Variants in CUX1 observed in about 807,000 individuals in gnomAD.
CUX1 encodes protein CASP.
Under a neutral mutation model 158.8 loss-of-function variants are expected in CUX1, and 31 were observed. The ratio of observed to expected loss-of-function variants is 0.20; its 90% confidence interval spans 0.15 to 0.26. CUX1 has a LOEUF of 0.26. Ranked by LOEUF, CUX1 falls within the 10% of genes least tolerant of loss-of-function variation. The pLI is 1.00. For missense variants in CUX1, 1,589 were observed against 2,014.6 expected, an observed-to-expected ratio of 0.79 and a Z score of 4.04; for synonymous variants, 879 against 862.1, an observed-to-expected ratio of 1.02 and a Z score of -0.34.
At chr7:102,229,498 G>C (rs1349784418) in intron 21 of CUX1, among the ~76,000 whole-genome samples, 1 of 151,282 alleles carries the variant, frequency 6.6e-6, no homozygotes, top group Non-Finnish European at 1.5e-5. Context: ...TTTTAGTAGA[G>C]ACAGGGTTTC....
chr7:102,171,723 C>T (rs1554510489), intron 10 of CUX1, among the ~76,000 whole-genome samples: 2 of 152,130 alleles, frequency 1.3e-5, no homozygotes, highest in African/African-American at 2.4e-5. Context: ...GCTGGGATTA[C>T]AGGCATGAGC....
intron 9 of CUX1, among the ~76,000 whole-genome samples, chr7:102,164,534 G>C (rs1790800518): frequency 6.6e-6 from 1 of 152,156 alleles, no homozygotes; most frequent in African/African-American, 2.4e-5. Flanking sequence ...CCCTAGTGGA[G>C]GACTCTCCAG....
chr7:102,070,785 T>C (rs911540300), intron 4 of CUX1, among the ~76,000 whole-genome samples: 2 of 152,114 alleles, frequency 1.3e-5, no homozygotes, highest in East Asian at 1.9e-4. Context: ...TTTAAGACTT[T>C]AGGAATGGCC....
chr7:101,948,427 A>G (rs1338080353), intron 2 of CUX1, among the ~76,000 whole-genome samples: 1 of 151,746 alleles, frequency 6.6e-6, no homozygotes, highest in African/African-American at 2.4e-5. Context: ...TCATAGGGGA[A>G]CGTGGTGCCT....
At chr7:101,876,866 G>A (rs1380866296) in intron 1 of CUX1, among the ~76,000 whole-genome samples, 2 of 151,598 alleles carry the variant, frequency 1.3e-5, no homozygotes, top group African/African-American at 2.4e-5. Context: ...TGCCTGCCTC[G>A]GCCTCCCAAA....
intron 1 of CUX1, among the ~76,000 whole-genome samples, chr7:101,841,518 A>AT (rs1795199002): frequency 6.7e-6 from 1 of 150,330 alleles, no homozygotes. Flanking sequence ...TTTCTAACTT[A>AT]TTTTTTTGAA....
intron 2 of CUX1, among the ~76,000 whole-genome samples, chr7:101,982,300 T>G (rs1813542504): frequency 6.6e-6 from 1 of 152,170 alleles, no homozygotes; most frequent in African/African-American, 2.4e-5. Flanking sequence ...TATGAGCTGG[T>G]AGGGAAGGCC....
chr7:101,829,153 A>T (rs1793711327), intron 1 of CUX1, among the ~76,000 whole-genome samples: 1 of 151,962 alleles, frequency 6.6e-6, no homozygotes, highest in Non-Finnish European at 1.5e-5. Context: ...GGGGTGAAGA[A>T]TTAACTTGAA....
At position 102,234,119 on chromosome 7, in the gene CUX1, C is replaced by T. The variant is rs782092657; in HGVS notation, c.3501C>T (p.Arg1167=). 6.2e-7 allele frequency: 1 copy of T among 1,601,056 alleles called. No individual in the cohort carries two copies. Among genetic ancestry groups the T allele is most frequent in the African/African-American group, 1.3e-5 (1 of 74,110 alleles). ...TQGSVSDLLA[R]PKPWHKLSLK... ...GCTCTGTCTCTGACCTCCTTGCCCG[C>T]CCCAAACCCTGGCATAAGCTCAGTC... is the stretch of plus-strand genomic sequence containing the variant. The change falls in exon 22 of 24, where the codon CGC becomes CGT. Residue 1167 remains arginine, a synonymous_variant. Coordinates refer to ENST00000292535, the MANE Select transcript of CUX1 (RefSeq NM_181552.4).
At chr7:101,975,625 C>G (rs1365560485) in intron 2 of CUX1, among the ~76,000 whole-genome samples, 1 of 152,116 alleles carries the variant, frequency 6.6e-6, no homozygotes, top group Admixed American at 6.5e-5. Context: ...TGTTCTCTTC[C>G]TCCAAACCTC....
At chr7:101,996,763 T>G (rs1815960818) in intron 2 of CUX1, among the ~76,000 whole-genome samples, 2 of 151,704 alleles carry the variant, frequency 1.3e-5, no homozygotes, top group South Asian at 4.2e-4. Context: ...TTTCATTTTG[T>G]GACTTTGTCA....
At chr7:101,889,905 C>T (rs1028211655) in intron 1 of CUX1, among the ~76,000 whole-genome samples, 2 of 152,228 alleles carry the variant, frequency 1.3e-5, no homozygotes, top group Admixed American at 6.5e-5. Flanking sequence ...AACTCTCTCG[C>T]GATCCCAGTG....
At chr7:101,974,328 A>G (rs1812379363) in intron 2 of CUX1, among the ~76,000 whole-genome samples, 1 of 151,928 alleles carries the variant, frequency 6.6e-6, no homozygotes, top group South Asian at 2.1e-4. Context: ...TTAACCACAC[A>G]CTCTAGTTTT....
At chr7:101,819,993 T>C (rs1275343756) in intron 1 of CUX1, among the ~76,000 whole-genome samples, 1 of 152,262 alleles carries the variant, frequency 6.6e-6, no homozygotes, top group Non-Finnish European at 1.5e-5. Flanking sequence ...GTGCTGAGCC[T>C]GAAACCTTTA....
chr7:101,944,390 C>A (rs938064201), intron 2 of CUX1, among the ~76,000 whole-genome samples: 12 of 152,212 alleles, frequency 7.9e-5, no homozygotes, highest in Admixed American at 7.2e-4. Flanking sequence ...TGTGCTCTGG[C>A]AGTCTCAGCA....
At chr7:101,917,085 C>T (rs1177243544) in intron 2 of CUX1, among the ~76,000 whole-genome samples, 1 of 152,206 alleles carries the variant, frequency 6.6e-6, no homozygotes, top group African/African-American at 2.4e-5. Flanking sequence ...ACAGCTTCGG[C>T]CCGGCTTCCG....
At chr7:102,028,197 G>C in intron 3 of CUX1, 52 bp downstream of exon 3, 1 of 1,583,268 alleles carries the variant, frequency 6.3e-7, no homozygotes, top group African/African-American at 1.3e-5. Context: ...TGGCTAATTG[G>C]TCTTTTTATT....
At chr7:102,119,592 G>A (rs186167568) in intron 8 of CUX1, among the ~76,000 whole-genome samples, 217 of 152,350 alleles carry the variant, frequency 1.4e-3, no homozygotes, top group Non-Finnish European at 2.5e-3. Context: ...GGCAAGCACA[G>A]TTTAATATTT....
intron 1 of CUX1, among the ~76,000 whole-genome samples, chr7:101,825,970 T>G (rs1793245643): frequency 6.6e-6 from 1 of 152,120 alleles, no homozygotes; most frequent in African/African-American, 2.4e-5. Context: ...GAACCATTGA[T>G]TTCATCATGC....
Sources: gnomAD v4.1 joint callset for allele counts (sites outside exome capture counted in the v4.1 genomes callset) on GRCh38, gnomAD v4.1.1 for gene constraint, MANE v1.5 for transcripts, NCBI Gene and HGNC (gene_info 2026-07-23, HGNC 2026-07-21) for gene names.